LRMDA: variants seen among roughly 807,000 people sequenced by gnomAD.
LRMDA encodes the protein leucine-rich melanocyte differentiation-associated protein.
LRMDA carries 18 observed loss-of-function variants against 29.8 expected under a neutral mutation model. That is an observed-to-expected ratio of 0.60 (90% confidence interval 0.42 to 0.90). The LOEUF (loss-of-function observed/expected upper bound fraction) is 0.90. Ranked by LOEUF, LRMDA falls within the 40% of genes least tolerant of loss-of-function variation. The pLI is 0.00. For missense variants in LRMDA, 273 were observed against 273.9 expected (o/e 1.00, Z 0.02); for synonymous variants, 125 against 109.4 (o/e 1.14, Z -0.89).
chr10:75,552,424 TTCC>T, intron 2 of LRMDA: 5 of 277,962 alleles, frequency 1.8e-5, no homozygotes, highest in Non-Finnish European at 3.1e-5. Flanking sequence ...TTTTTTTTTT[TTCC>T]CCCCCCTCTG....
intron 5 of LRMDA, among the ~76,000 whole-genome samples, chr10:76,167,167 T>C (rs770585706): frequency 6.6e-6 from 1 of 152,230 alleles, no homozygotes; most frequent in Non-Finnish European, 1.5e-5. Flanking sequence ...TGTTTTTTTC[T>C]TGTACATTTG....
At chr10:75,527,627 C>G (rs1845427515) in intron 2 of LRMDA, among the ~76,000 whole-genome samples, 1 of 148,400 alleles carries the variant, frequency 6.7e-6, no homozygotes. Context: ...AATGGAGGCA[C>G]CAGTAACATA....
At chr10:76,364,953 G>A (rs1304762445) in intron 6 of LRMDA, among the ~76,000 whole-genome samples, 4 of 151,170 alleles carry the variant, frequency 2.6e-5, no homozygotes, top group Non-Finnish European at 5.9e-5. Flanking sequence ...TACAATGTTT[G>A]GTTTTCCATT....
intron 2 of LRMDA, among the ~76,000 whole-genome samples, chr10:75,616,118 G>A (rs909328073): frequency 6.6e-6 from 1 of 152,134 alleles, no homozygotes; most frequent in Non-Finnish European, 1.5e-5. Context: ...GAAGGCAAAG[G>A]GGATATAAGA....
At chr10:75,919,720 GA>G in intron 2 of LRMDA, among the ~76,000 whole-genome samples, 1 of 152,270 alleles carries the variant, frequency 6.6e-6, no homozygotes. Context: ...AAGGTTAAGA[GA>G]ATTGAAACTG....
chr10:76,538,983 A>G (rs1175900161), intron 6 of LRMDA, among the ~76,000 whole-genome samples: 1 of 151,658 alleles, frequency 6.6e-6, no homozygotes, highest in South Asian at 2.1e-4. Flanking sequence ...TATGCCTGGC[A>G]TATGGTGTTT....
intron 6 of LRMDA, among the ~76,000 whole-genome samples, chr10:76,390,994 T>C (rs373985018): frequency 1.3e-5 from 2 of 152,202 alleles, no homozygotes; most frequent in African/African-American, 2.4e-5. Context: ...ATGATAGTCA[T>C]AGAACCCAAG....
chr10:76,141,142 A>C (rs12413179), intron 5 of LRMDA, among the ~76,000 whole-genome samples: 21,123 of 152,036 alleles, frequency 0.14, 1,623 homozygotes, highest in East Asian at 0.24. Context: ...AGTTTCTTTC[A>C]GCAGGCTCAA....
At chr10:76,287,161 A>C (rs1264100441) in intron 5 of LRMDA, among the ~76,000 whole-genome samples, 1 of 150,828 alleles carries the variant, frequency 6.6e-6, no homozygotes, top group Non-Finnish European at 1.5e-5. Flanking sequence ...CTCCTGTTTC[A>C]CTTATCTCTA....
In LRMDA at chr10:76,388,722, A is replaced by G. The variant is rs757952776; in HGVS notation, c.601+64237A>G. On this transcript the variant is annotated intron_variant, in intron 6 of 6. Coordinates refer to ENST00000611255, the MANE Select transcript of LRMDA (RefSeq NM_001305581.2). ...GGAGGATAGTCATGTTGAAGATCAAATGGAATTGGAGATATTGTATGTGAC... is the reference window on the plus strand; with the variant it reads ...GGAGGATAGTCATGTTGAAGATCAAGTGGAATTGGAGATATTGTATGTGAC... Among the ~76,000 whole-genome samples the G allele has an allele frequency of 1.2e-4, 18 of 152,342 alleles. 1 individual carries two copies. In the East Asian group the frequency reaches 1.7e-3, roughly 15 times the overall value.
At chr10:75,681,775 G>C (rs528733485) in intron 2 of LRMDA, among the ~76,000 whole-genome samples, 1 of 152,242 alleles carries the variant, frequency 6.6e-6, no homozygotes, top group African/African-American at 2.4e-5. Context: ...ACGAGTGACT[G>C]TTTGCTGAAC....
intron 2 of LRMDA, among the ~76,000 whole-genome samples, chr10:76,003,949 C>T (rs1439619504): frequency 6.6e-6 from 1 of 151,996 alleles, no homozygotes; most frequent in African/African-American, 2.4e-5. Context: ...GTTCTCTAGC[C>T]CAGGTGGGGT....
chr10:75,912,396 T>C (rs887882224), intron 2 of LRMDA, among the ~76,000 whole-genome samples: 1 of 152,118 alleles, frequency 6.6e-6, no homozygotes, highest in Non-Finnish European at 1.5e-5. Context: ...AGAATCCAAA[T>C]AGAAGGATCT....
At chr10:75,856,549 A>G (rs1253513670) in intron 2 of LRMDA, among the ~76,000 whole-genome samples, 1 of 152,246 alleles carries the variant, frequency 6.6e-6, no homozygotes, top group Non-Finnish European at 1.5e-5. Flanking sequence ...AATAAACAGA[A>G]TCCAGCATAT....
intron 6 of LRMDA, among the ~76,000 whole-genome samples, chr10:76,325,078 T>C (rs1840817995): frequency 6.6e-6 from 1 of 152,210 alleles, no homozygotes; most frequent in African/African-American, 2.4e-5. Flanking sequence ...AAATATCATT[T>C]GAAAATGTCT....
chr10:75,439,342 C>T (rs1844300127), intron 2 of LRMDA, among the ~76,000 whole-genome samples: 1 of 152,144 alleles, frequency 6.6e-6, no homozygotes, highest in Admixed American at 6.5e-5. Context: ...CTGAGTGGGA[C>T]AGACTGTCCT....
intron 2 of LRMDA, among the ~76,000 whole-genome samples, chr10:75,906,396 A>T (rs756791206): frequency 1.4e-4 from 21 of 152,180 alleles, no homozygotes; most frequent in Non-Finnish European, 2.9e-4. Context: ...GAGAACACTG[A>T]GGCACAGAAA....
chr10:76,447,521 C>T (rs1237108802), intron 6 of LRMDA, among the ~76,000 whole-genome samples: 1 of 152,066 alleles, frequency 6.6e-6, no homozygotes, highest in Non-Finnish European at 1.5e-5. Flanking sequence ...CAGTAGTTTC[C>T]ATGTGGCTCC....
intron 2 of LRMDA, among the ~76,000 whole-genome samples, chr10:75,898,271 A>G (rs1845616694): frequency 6.6e-6 from 1 of 152,240 alleles, no homozygotes; most frequent in African/African-American, 2.4e-5. Context: ...AATCCATTAG[A>G]AGAACCTTAG....
Sources: allele counts gnomAD v4.1 joint callset (sites outside exome capture counted in the v4.1 genomes callset), GRCh38; gene constraint gnomAD v4.1.1; transcripts MANE v1.5; gene names NCBI Gene and HGNC (gene_info 2026-07-23, HGNC 2026-07-21).